SHISA9: variants seen among roughly 807,000 people sequenced by gnomAD.
The protein encoded by SHISA9 is shisa family member 9.
Under a neutral mutation model 38.0 loss-of-function variants are expected in SHISA9, and 13 were observed. That is an observed-to-expected ratio of 0.34 (90% confidence interval 0.22 to 0.54). SHISA9 has a LOEUF of 0.54. Ranked by LOEUF, SHISA9 falls within the 20% of genes least tolerant of loss-of-function variation. The probability of loss-of-function intolerance (pLI) is 0.91; values close to 1 mark genes in which losing one functional copy is unlikely to be tolerated. For synonymous variants in SHISA9, 275 were observed against 242.0 expected, an observed-to-expected ratio of 1.14 and a Z score of -1.27; for missense variants, 538 against 575.8, an observed-to-expected ratio of 0.93 and a Z score of 0.67.
chr16:13,418,479 A>G, the SHISA9 span, among the ~76,000 whole-genome samples: 5 of 152,164 alleles, frequency 3.3e-5, no homozygotes, highest in Non-Finnish European at 5.9e-5. Context: ...ACTCATATGC[A>G]TGGTGTGTGG....
intron 2 of SHISA9, among the ~76,000 whole-genome samples, chr16:13,064,387 ACACATGAGAT>A (rs2073410145): frequency 6.6e-6 from 1 of 152,210 alleles, no homozygotes; most frequent in Non-Finnish European, 1.5e-5. Flanking sequence ...AAAGAATAGA[ACACATGAGAT>A]CAGGCGCGTT....
At chr16:13,176,949 C>T (rs1433069535) in intron 2 of SHISA9, among the ~76,000 whole-genome samples, 1 of 152,100 alleles carries the variant, frequency 6.6e-6, no homozygotes, top group East Asian at 1.9e-4. Context: ...CTGGGGAGGA[C>T]ACATGACTCC....
At chr16:12,926,856 T>C (rs1162542585) in intron 2 of SHISA9, among the ~76,000 whole-genome samples, 1 of 152,234 alleles carries the variant, frequency 6.6e-6, no homozygotes, top group Non-Finnish European at 1.5e-5. Flanking sequence ...GGAGGACTAT[T>C]TGTCTTACAC....
the SHISA9 span, among the ~76,000 whole-genome samples, chr16:13,402,309 G>A: frequency 6.6e-6 from 1 of 151,964 alleles, no homozygotes; most frequent in Non-Finnish European, 1.5e-5. Flanking sequence ...CCCTGTCTGA[G>A]ACCTAAGGCC....
chr16:13,315,496 G>A, the SHISA9 span, among the ~76,000 whole-genome samples: 191 of 152,282 alleles, frequency 1.3e-3, no homozygotes, highest in African/African-American at 4.0e-3. Context: ...GTTAGGGAGG[G>A]ATTTCTCTCA....
chr16:13,178,326 GT>G (rs11442158), intron 2 of SHISA9, among the ~76,000 whole-genome samples: 6,370 of 142,286 alleles, frequency 0.045, 180 homozygotes, highest in African/African-American at 0.081. Flanking sequence ...CTCTCTCTGG[GT>G]TTTTTTTTTT....
At chr16:13,248,208 T>C in the SHISA9 span, among the ~76,000 whole-genome samples, 1 of 152,142 alleles carries the variant, frequency 6.6e-6, no homozygotes, top group Non-Finnish European at 1.5e-5. Context: ...CATTAGACTT[T>C]TGGACAAAAT....
At chr16:13,015,609 T>G (rs1454998170) in intron 2 of SHISA9, among the ~76,000 whole-genome samples, 3 of 152,164 alleles carry the variant, frequency 2.0e-5, no homozygotes, top group Non-Finnish European at 2.9e-5. Context: ...CTACTGGGAC[T>G]GCAAAGTCAA....
chr16:13,449,841 G>A, the SHISA9 span, among the ~76,000 whole-genome samples: 1 of 152,164 alleles, frequency 6.6e-6, no homozygotes, highest in Non-Finnish European at 1.5e-5. Context: ...ACAGGTCTGG[G>A]CGCTGTGGCT....
chr16:13,038,420 C>G (rs2073098290), intron 2 of SHISA9, among the ~76,000 whole-genome samples: 2 of 152,228 alleles, frequency 1.3e-5, no homozygotes, highest in South Asian at 2.1e-4. Flanking sequence ...TTCTCTGGCT[C>G]CAGCCTCACC....
the SHISA9 span, among the ~76,000 whole-genome samples, chr16:13,466,579 T>C: frequency 2.4e-4 from 36 of 152,230 alleles, no homozygotes; most frequent in African/African-American, 8.7e-4. Context: ...TTGTTGTTGT[T>C]TTTTTAAAAA....
chr16:13,096,324 T>G (rs1216714019), intron 2 of SHISA9, among the ~76,000 whole-genome samples: 1 of 152,164 alleles, frequency 6.6e-6, no homozygotes, highest in African/African-American at 2.4e-5. Context: ...ACCCAAGCCT[T>G]GCGACACAGA....
At chr16:12,989,762 ATTG>A (rs539261025) in intron 2 of SHISA9, among the ~76,000 whole-genome samples, 118 of 152,142 alleles carry the variant, frequency 7.8e-4, no homozygotes, top group Non-Finnish European at 1.5e-3. Context: ...CACACCATGA[ATTG>A]TTATTATTTT....
the SHISA9 span, among the ~76,000 whole-genome samples, chr16:13,358,834 A>G: frequency 6.6e-6 from 1 of 152,200 alleles, no homozygotes; most frequent in Non-Finnish European, 1.5e-5. Flanking sequence ...TGAACATGAT[A>G]TGATTGACAG....
At chr16:13,512,995 C>A in the SHISA9 span, among the ~76,000 whole-genome samples, 1 of 152,082 alleles carries the variant, frequency 6.6e-6, no homozygotes, top group Admixed American at 6.5e-5. Flanking sequence ...CAACGGAAGC[C>A]AAAATTGACA....
At chr16:13,356,432 A>G in the SHISA9 span, among the ~76,000 whole-genome samples, 1 of 152,144 alleles carries the variant, frequency 6.6e-6, no homozygotes, top group Admixed American at 6.5e-5. Flanking sequence ...AGGAGCATTA[A>G]CCTTGACTGT....
At chr16:13,191,375 A>G (rs1344974586) in intron 2 of SHISA9, among the ~76,000 whole-genome samples, 1 of 152,230 alleles carries the variant, frequency 6.6e-6, no homozygotes, top group African/African-American at 2.4e-5. Context: ...GACCTTATGG[A>G]AACCTAACAT....
Position 12,974,479 on chromosome 16 carries a change from GTTTTTTTTTTTTT to G in SHISA9, c.691+57679_691+57691del, listed in dbSNP as rs58309847. Among the ~76,000 whole-genome samples the G allele has an allele frequency of 7.6e-3, 695 of 91,790 alleles. 10 individuals carry two copies. The highest frequency in any genetic ancestry group is 0.028 in the African/African-American group (656 of 23,270). 60.2% of individuals were successfully genotyped at this position (91,790 alleles called of 152,430 possible). ...CATGGCTAGCAAGTGATTTCTGGTG[GTTTTTTTTTTTTT>G]TTTTTTTTTTTTTTCCGGAGTTTCG... On this transcript the variant is annotated intron_variant, in intron 2 of 4. Transcript: ENST00000558583.
Position 12,928,314 on chromosome 16 carries a change from TTG to T in SHISA9, c.691+11515_691+11516del, listed in dbSNP as rs55763909. 9.5e-3 allele frequency among the ~76,000 whole-genome samples: 1,434 copies of T among 151,044 alleles called. 8 individuals carry two copies. Among genetic ancestry groups the T allele is most frequent in the Non-Finnish European group, 0.015 (1,001 of 67,784 alleles). ...TTGTCATTAGGGGTGCAGAGGTTGG[TTG>T]TGTGTGTGTGTGTGTATGTGTGTGT... On this transcript the variant is annotated intron_variant, in intron 2 of 4. Coordinates refer to ENST00000558583, the MANE Select transcript of SHISA9 (RefSeq NM_001145204.3).
Sources: gnomAD v4.1 joint callset for allele counts (sites outside exome capture counted in the v4.1 genomes callset) on GRCh38, gnomAD v4.1.1 for gene constraint, MANE v1.5 for transcripts, NCBI Gene and HGNC (gene_info 2026-07-23, HGNC 2026-07-21) for gene names.